HMCN1: variants seen among roughly 807,000 people sequenced by gnomAD.
The protein encoded by HMCN1 is hemicentin 1.
A neutral mutation model predicts 625.9 loss-of-function variants in HMCN1; 321 were observed. The observed-to-expected ratio is 0.51, with a 90% CI of 0.47 to 0.56. HMCN1 has a LOEUF of 0.56. HMCN1 is among the 20% of genes least tolerant of loss of function. HMCN1 has a pLI of 0.00. For missense variants in HMCN1, 6,588 were observed against 6,887.3 expected, an observed-to-expected ratio of 0.96 and a Z score of 1.54; for synonymous variants, 2,425 against 2,417.6, an observed-to-expected ratio of 1.00 and a Z score of -0.09.
chr1:185,744,282 C>A (rs1654233515), intron 1 of HMCN1, among the ~76,000 whole-genome samples: 1 of 152,060 alleles, frequency 6.6e-6, no homozygotes, highest in South Asian at 2.1e-4. Flanking sequence ...CGTGAGCCAC[C>A]ATGCCTGGCC....
At chr1:186,124,844 T>G (rs1291059004) in intron 81 of HMCN1, among the ~76,000 whole-genome samples, 2 of 152,122 alleles carry the variant, frequency 1.3e-5, no homozygotes, top group African/African-American at 4.8e-5. Flanking sequence ...AGTGTATTTT[T>G]ACTTTTGAAC....
chr1:186,181,313 C>A (rs150581361), intron 104 of HMCN1, among the ~76,000 whole-genome samples: 1 of 152,186 alleles, frequency 6.6e-6, no homozygotes, highest in African/African-American at 2.4e-5. Context: ...AAGAAATCTT[C>A]AGCCTCCCAA....
At chr1:185,892,568 C>G (rs939478601) in intron 4 of HMCN1, among the ~76,000 whole-genome samples, 12 of 152,136 alleles carry the variant, frequency 7.9e-5, no homozygotes, top group Admixed American at 2.6e-4. Flanking sequence ...GAGTACCCAG[C>G]AGTGTGAGGT....
intron 89 of HMCN1, among the ~76,000 whole-genome samples, chr1:186,140,397 G>A (rs1032836751): frequency 2.2e-4 from 34 of 152,106 alleles, no homozygotes; most frequent in African/African-American, 8.2e-4. Flanking sequence ...ATTTGGATTT[G>A]TCTAACATCT....
chr1:186,125,877 T>G, intron 82 of HMCN1, 83 bp downstream of exon 82: 1 of 961,350 alleles, frequency 1.0e-6, no homozygotes, highest in Non-Finnish European at 1.6e-6. Flanking sequence ...CATGGAAGTA[T>G]ATTCTTTAAT....
intron 11 of HMCN1, among the ~76,000 whole-genome samples, chr1:185,946,822 A>T (rs1668369473): frequency 6.6e-6 from 1 of 152,232 alleles, no homozygotes; most frequent in African/African-American, 2.4e-5. Flanking sequence ...CTGAAAATGG[A>T]TAATAAGGAG....
Position 186,087,219 on chromosome 1 carries a change from G to T in HMCN1, c.9049G>T (p.Gly3017Cys), listed in dbSNP as rs772406590. 6.2e-7 allele frequency: 1 copy of T among 1,600,714 alleles called. No homozygotes were observed. The highest frequency in any genetic ancestry group is 1.7e-5 in the Admixed American group (1 of 59,854). ...ATTTGCATTCTATTTACCTACAGGT[G>T]GTCGAACTCTACAGATTATTCGGGC... ...LNTNTLIVPGGRTLQIIRAKV... is the reference protein window; with the variant it reads ...LNTNTLIVPGCRTLQIIRAKV... Residue 3017 changes from glycine (G) to cysteine (C), a missense_variant and splice_region_variant, in exon 59 of 107, where the codon GGT (glycine) becomes TGT (cysteine). By Grantham distance (159) the Gly-to-Cys change is radical (BLOSUM62 -3). Coordinates refer to ENST00000271588, the MANE Select transcript of HMCN1 (RefSeq NM_031935.3).
At chr1:186,047,078 T>C (rs1333520868) in intron 41 of HMCN1, among the ~76,000 whole-genome samples, 1 of 152,102 alleles carries the variant, frequency 6.6e-6, no homozygotes, top group Non-Finnish European at 1.5e-5. Flanking sequence ...GGCAGTAAGC[T>C]GGGCAGCTTA....
At chr1:186,164,975 G>A (rs1197059751) in intron 97 of HMCN1, 136 bp from the exon 98 acceptor site, 11 of 774,654 alleles carry the variant, frequency 1.4e-5, no homozygotes, top group African/African-American at 5.2e-5. Context: ...TTCCATGCCT[G>A]CTTATTTTCA....
At chr1:185,764,579 T>G (rs1285660629) in intron 1 of HMCN1, among the ~76,000 whole-genome samples, 1 of 152,136 alleles carries the variant, frequency 6.6e-6, no homozygotes, top group Non-Finnish European at 1.5e-5. Context: ...GACTTATGGA[T>G]CTAATATTAA....
chr1:186,025,056 A>T (rs1464982897), intron 36 of HMCN1, among the ~76,000 whole-genome samples: 5 of 152,200 alleles, frequency 3.3e-5, no homozygotes, highest in Admixed American at 3.3e-4. Context: ...AGACGGTCCC[A>T]TCTGGGGGTA....
At chr1:185,831,496 C>A (rs191303914) in intron 1 of HMCN1, among the ~76,000 whole-genome samples, 1 of 152,150 alleles carries the variant, frequency 6.6e-6, no homozygotes, top group East Asian at 1.9e-4. Flanking sequence ...AACAGTAATT[C>A]CACTATCATT....
At chr1:186,164,915 A>G (rs139023869) in intron 97 of HMCN1, among the ~76,000 whole-genome samples, 196 bp from the exon 98 acceptor site, 3 of 152,308 alleles carry the variant, frequency 2.0e-5, no homozygotes, top group Non-Finnish European at 2.9e-5. Flanking sequence ...CTTGTCAACA[A>G]TCTCTGGACT....
intron 4 of HMCN1, among the ~76,000 whole-genome samples, chr1:185,866,397 ATTTTTTTTTTT>A (rs969071873): frequency 0.01 from 1,073 of 102,654 alleles, 21 homozygotes; most frequent in African/African-American, 0.042. Context: ...GTTTGTCATA[ATTTTTTTTTTT>A]TTTTTTTTTT....
rs1411537866 is a variant in HMCN1, at chr1:186,190,318, TATAAA to T, written c.*445_*449del. 1 of 216,192 alleles carries T rather than the reference TATAAA, an allele frequency of 4.6e-6. No homozygotes were observed. Among genetic ancestry groups the T allele is most frequent in the Non-Finnish European group, 9.4e-6 (1 of 106,518 alleles). 13.4% of individuals were successfully genotyped at this position (216,192 alleles called of 1,614,324 possible). A position where few individuals can be genotyped will look rare whatever the true frequency, so the allele number is the denominator to read the frequency against. On this transcript the variant is annotated 3_prime_UTR_variant, in exon 107 of 107. Transcript: ENST00000271588. ...GTTACTAAGTATTTTGATCAAAGCT[TATAAA>T]ATAACTTACGGAGATTTTTGTAAGT...
At position 186,120,033 on chromosome 1, in the gene HMCN1, T is replaced by C; in HGVS notation, c.12117T>C (p.Pro4039=). ...NTSGRNHAVL[P]SGGLQISRAV... ...TAGGCAGAAACCATGCAGTTCTTCC[T>C]AGTGGCGGCTTACAGATCTCCAGAG... is the stretch of plus-strand genomic sequence containing the variant. The change falls in exon 80 of 107, where the codon CCT becomes CCC. Residue 4039 remains proline, a synonymous_variant. Coordinates refer to ENST00000271588, the MANE Select transcript of HMCN1 (RefSeq NM_031935.3). 6.2e-7 allele frequency: 1 copy of C among 1,614,096 alleles called. No homozygotes were observed. The highest frequency in any genetic ancestry group is 8.5e-7 in the Non-Finnish European group (1 of 1,179,984).
Position 186,119,233 on chromosome 1 carries a change from G to A in HMCN1, c.11891G>A (p.Arg3964Lys), listed in dbSNP as rs1211767347. The change falls in exon 78 of 107, where the codon AGA becomes AAA. Residue 3964 changes from arginine (R) to lysine (K), a missense_variant. Transcript: ENST00000271588. ...ILATQLNHAG[R>K]YTCVARNAAG... ...GCCACCCAATTAAACCATGCTGGAAGATACACTTGTGTCGCTAGGAATGCG... is the reference window on the plus strand; with the variant it reads ...GCCACCCAATTAAACCATGCTGGAAAATACACTTGTGTCGCTAGGAATGCG... The A allele has an allele frequency of 6.8e-6, 11 of 1,613,882 alleles. No individual in the cohort carries two copies. The highest frequency in any genetic ancestry group is 1.7e-5 in the Admixed American group (1 of 60,000).
Position 185,973,972 on chromosome 1 carries a change from A to C in HMCN1, c.2371+3479A>C, listed in dbSNP as rs1651019486. Among the ~76,000 whole-genome samples the C allele has an allele frequency of 1.3e-5, 2 of 152,180 alleles. 1 individual carries two copies. Among genetic ancestry groups the C allele is most frequent in the South Asian group, 4.1e-4 (2 of 4,836 alleles). On this transcript the variant is annotated intron_variant, in intron 15 of 106. Transcript: ENST00000271588. ...ATGCAAGAGTCACCACATGGAGTAT[A>C]TATATATTTAATTTTCCCTAAGGGA...
rs573722624 is a variant in HMCN1, at chr1:186,106,519, C to T, written c.10771-365C>T. Among the ~76,000 whole-genome samples the T allele has an allele frequency of 1.2e-4, 18 of 152,224 alleles. No homozygotes were observed. The South Asian group carries it at 3.1e-3, about 26-fold the overall frequency. ...CATCTTATTTTCTTGAGAAAGGCTT[C>T]GTTTTAACTTTTCAGTCTGCAATTT... is the stretch of plus-strand genomic sequence containing the variant. On this transcript the variant is annotated intron_variant, in intron 69 of 106. Transcript: ENST00000271588.
Sources: allele counts gnomAD v4.1 joint callset (sites outside exome capture counted in the v4.1 genomes callset), GRCh38; gene constraint gnomAD v4.1.1; transcripts MANE v1.5; gene names NCBI Gene and HGNC (gene_info 2026-07-23, HGNC 2026-07-21).